PIEZO2: variants seen among roughly 807,000 people sequenced by gnomAD.
The protein encoded by PIEZO2 is piezo type mechanosensitive ion channel component 2.
A neutral mutation model predicts 337.3 loss-of-function variants in PIEZO2; 172 were observed. That is an observed-to-expected ratio of 0.51 (90% CI 0.45 to 0.58). The LOEUF (loss-of-function observed/expected upper bound fraction) is 0.58, where lower values mean the gene tolerates loss of function less well. Among genes scored for constraint, PIEZO2 ranks in the 20% least tolerant of loss-of-function variants. The probability of loss-of-function intolerance (pLI) is 0.00; values close to 1 mark genes in which losing one functional copy is unlikely to be tolerated. For synonymous variants in PIEZO2, 1,251 were observed against 1,228.5 expected (o/e 1.02, Z -0.38); for missense variants, 3,028 against 3,391.3 (o/e 0.89, Z 2.66).
At chr18:10,801,364 A>G (rs1162743469) in intron 10 of PIEZO2, 26 bp downstream of exon 10, 1 of 1,459,516 alleles carries the variant, frequency 6.9e-7, no homozygotes. Flanking sequence ...CACATGCATA[A>G]ATGATAATTC....
In PIEZO2 at chr18:10,758,099, G is replaced by C. The variant is rs188320964; in HGVS notation, c.3793C>G (p.Arg1265Gly). The change falls in exon 27 of 56, where the codon CGG becomes GGG. Residue 1265 changes from arginine (R) to glycine (G), a missense_variant. By Grantham distance (125) the Arg-to-Gly change is moderately radical (BLOSUM62 -2). Coordinates refer to ENST00000674853, the MANE Select transcript of PIEZO2 (RefSeq NM_001378183.1). ...FMLLLCASLQRQIFEDENKAA... is the reference protein window; with the variant it reads ...FMLLLCASLQGQIFEDENKAA... ...TTGTTCTCATCCTCAAAAATCTGCC[G>C]TTGTAAGGAGGCACACAGAAGCAGC... The C allele has an allele frequency of 3.9e-4, 592 of 1,537,606 alleles. 12 individuals are homozygous for C. In the South Asian group the frequency reaches 6.2e-3, roughly 16 times the overall value.
chr18:10,879,883 A>C (rs1381805502), intron 4 of PIEZO2, among the ~76,000 whole-genome samples: 1 of 152,246 alleles, frequency 6.6e-6, no homozygotes, highest in Admixed American at 6.5e-5. Flanking sequence ...TGCATGTGTG[A>C]TCCAGGTCTA....
intron 4 of PIEZO2, among the ~76,000 whole-genome samples, chr18:10,886,487 C>CATATATATATATATATATATATATAAAA: frequency 4.4e-5 from 2 of 45,890 alleles, no homozygotes; most frequent in African/African-American, 2.9e-4. Flanking sequence ...ATATCCAAAC[C>CATATATATATATATATATATATATAAAA]ATATATATAT....
chr18:10,695,501 G>A (rs2035041038), intron 47 of PIEZO2, among the ~76,000 whole-genome samples: 1 of 152,174 alleles, frequency 6.6e-6, no homozygotes, highest in Non-Finnish European at 1.5e-5. Flanking sequence ...GCAGAGTCCA[G>A]CAGGATGGGT....
At position 11,125,704 on chromosome 18, in the gene PIEZO2, C is replaced by T. The variant is rs1042006026; in HGVS notation, c.64+22821G>A. Among the ~76,000 whole-genome samples the T allele has an allele frequency of 7.9e-5, 12 of 152,204 alleles. No homozygotes were observed. The highest frequency in any genetic ancestry group is 1.5e-5 in the Non-Finnish European group (1 of 68,034). On this transcript the variant is annotated intron_variant, in intron 1 of 55. Transcript: ENST00000674853. This position sits in a 1 kb window ranked among gnomAD's most constrained non-coding sequence, Gnocchi z 4.4. ...TATGCCAGGAAAAGAGAGTCTAGTT[C>T]AGGGCAGGACAACATTCCAGCCCCC...
intron 4 of PIEZO2, among the ~76,000 whole-genome samples, chr18:10,889,389 T>G (rs563399917): frequency 6.6e-6 from 1 of 152,230 alleles, no homozygotes; most frequent in South Asian, 2.1e-4. Flanking sequence ...AATGAATTAT[T>G]TTAAGGCTTT....
At chr18:10,908,732 A>G (rs944729229) in intron 4 of PIEZO2, 1 of 152,212 alleles carries the variant, frequency 6.6e-6, no homozygotes, top group African/African-American at 2.4e-5. Flanking sequence ...AAAGGCCCTC[A>G]ATGGACCCAT....
At position 10,853,732 on chromosome 18, in the gene PIEZO2, T is replaced by C. The variant is rs745869592; in HGVS notation, c.917+1621A>G. 1.2e-4 allele frequency among the ~76,000 whole-genome samples: 19 copies of C among 152,206 alleles called. No homozygotes were observed. Among genetic ancestry groups the C allele is most frequent in the Non-Finnish European group, 2.2e-4 (15 of 68,042 alleles). On this transcript the variant is annotated intron_variant, in intron 7 of 55. Coordinates refer to ENST00000674853, the MANE Select transcript of PIEZO2 (RefSeq NM_001378183.1). This position sits in a 1 kb window ranked among gnomAD's most constrained non-coding sequence, Gnocchi z 4.2. Reference sequence around the variant, plus strand: ...CTATTCCTATGTATGTATGTATCTATCAATCTATTATGTTGGTTGTTAAGC... The same window carrying C: ...CTATTCCTATGTATGTATGTATCTACCAATCTATTATGTTGGTTGTTAAGC...
intron 40 of PIEZO2, among the ~76,000 whole-genome samples, chr18:10,706,836 A>G (rs1056229061): frequency 6.6e-6 from 1 of 152,014 alleles, no homozygotes; most frequent in Non-Finnish European, 1.5e-5. Context: ...GACATGTTAG[A>G]CTCTGAAATA....
At position 11,148,756 on chromosome 18, in the gene PIEZO2, C is replaced by T. The variant is rs1410630863; in HGVS notation, c.-168G>A. 6.2e-6 allele frequency: 4 copies of T among 644,666 alleles called. No homozygotes were observed. The highest frequency in any genetic ancestry group is 1.0e-5 in the Non-Finnish European group (4 of 396,490). 39.9% of individuals were successfully genotyped at this position (644,666 alleles called of 1,614,324 possible). ...CGCTCTCCGCCCCGAGGGCACGCTC[C>T]CGGGGCTCTTGGCCGCCCCTCGCCC... is the stretch of plus-strand genomic sequence containing the variant. On this transcript the variant is annotated 5_prime_UTR_variant, in exon 1 of 56. Transcript: ENST00000674853. The surrounding 1 kb of genome is among the most constrained non-coding windows in gnomAD (Gnocchi z 5.2).
At chr18:11,103,555 A>G (rs1156781995) in intron 1 of PIEZO2, among the ~76,000 whole-genome samples, 2 of 152,242 alleles carry the variant, frequency 1.3e-5, no homozygotes, top group Non-Finnish European at 2.9e-5. Context: ...GGAAAATGAA[A>G]GGCTTAAGCC....
rs1036191885 is a variant in PIEZO2 at position 11,083,662 on chromosome 18, G to T, written c.65-17440C>A. On this transcript the variant is annotated intron_variant, in intron 1 of 55. Transcript: ENST00000674853. The surrounding 1 kb of genome is among the most constrained non-coding windows in gnomAD (Gnocchi z 4.4). ...GAGTTTTGCCTTTAATCCGATGTGA[G>T]GTAGAATCATTTAGGACACTTAGTA... 2.0e-5 allele frequency among the ~76,000 whole-genome samples: 3 copies of T among 152,160 alleles called. No homozygotes were observed. The highest frequency in any genetic ancestry group is 2.9e-5 in the Non-Finnish European group (2 of 68,038).
intron 2 of PIEZO2, among the ~76,000 whole-genome samples, chr18:11,037,681 G>T (rs1270804066): frequency 6.6e-6 from 1 of 152,166 alleles, no homozygotes; most frequent in Non-Finnish European, 1.5e-5. Flanking sequence ...CCTCTTTCCA[G>T]AAGACCACTT....
intron 3 of PIEZO2, among the ~76,000 whole-genome samples, chr18:10,950,157 A>G (rs2033227047): frequency 6.6e-6 from 1 of 152,198 alleles, no homozygotes; most frequent in South Asian, 2.1e-4. Flanking sequence ...TAAATTATGA[A>G]TTATAGTTTA....
chr18:10,867,608 A>C (rs1210407083), intron 5 of PIEZO2, among the ~76,000 whole-genome samples: 1 of 152,238 alleles, frequency 6.6e-6, no homozygotes, highest in Non-Finnish European at 1.5e-5. Flanking sequence ...CTATTTGAAT[A>C]AGCATTTGAT....
intron 1 of PIEZO2, among the ~76,000 whole-genome samples, chr18:11,087,347 A>C (rs8090413): frequency 0.38 from 57,941 of 152,056 alleles, 11,813 homozygotes; most frequent in East Asian, 0.7. Flanking sequence ...CAGATCTTGG[A>C]TTATGCTAGC....
Position 10,886,376 on chromosome 18 carries a change from GTGTGTATATATATATA to G in PIEZO2, c.330-14977_330-14962del, listed in dbSNP as rs1158524800. Among the ~76,000 whole-genome samples the G allele has an allele frequency of 2.1e-3, 29 of 13,800 alleles. 6 individuals carry two copies. The highest frequency in any genetic ancestry group is 3.7e-3 in the African/African-American group (6 of 1,604). 9.1% of individuals were successfully genotyped at this position (13,800 alleles called of 152,430 possible). ...CACACACACACATATATATGTGTGT[GTGTGTATATATATATA>G]TATATATATATATATATATATATAT... On this transcript the variant is annotated intron_variant, in intron 4 of 55. Coordinates refer to ENST00000674853, the MANE Select transcript of PIEZO2 (RefSeq NM_001378183.1).
At chr18:10,805,376 C>T (rs934663765) in intron 8 of PIEZO2, among the ~76,000 whole-genome samples, 2 of 152,030 alleles carry the variant, frequency 1.3e-5, no homozygotes, top group Admixed American at 6.6e-5. Flanking sequence ...ATTAGCCAGG[C>T]GTGGTGTCGG....
At position 10,744,257 on chromosome 18, in the gene PIEZO2, A is replaced by G. The variant is rs537377785; in HGVS notation, c.4425-26T>C. 8 of 1,372,528 alleles carry G rather than the reference A, an allele frequency of 5.8e-6. No individual in the cohort carries two copies. In the South Asian group the frequency reaches 8.7e-5, roughly 15 times the overall value. 85.0% of individuals were successfully genotyped at this position (1,372,528 alleles called of 1,614,324 possible). A position where few individuals can be genotyped will look rare whatever the true frequency, so the allele number is the denominator to read the frequency against. The stretch of plus-strand genomic sequence containing the variant: ...CTAAAGGGAAAGTGGAAACATGAAC[A>G]AGTCAATATTCTTGCCATTGTTGTT... On this transcript the variant is annotated intron_variant, in intron 30 of 55. Coordinates refer to ENST00000674853, the MANE Select transcript of PIEZO2 (RefSeq NM_001378183.1).
Sources: allele counts gnomAD v4.1 joint callset (sites outside exome capture counted in the v4.1 genomes callset), GRCh38; gene constraint gnomAD v4.1.1; non-coding constraint Gnocchi (gnomAD v3.1); transcripts MANE v1.5; gene names NCBI Gene and HGNC (gene_info 2026-07-23, HGNC 2026-07-21).